DRC3: variants seen among roughly 807,000 people sequenced by gnomAD.
The protein encoded by DRC3 is leucine rich repeat containing 48.
A neutral mutation model predicts 57.6 loss-of-function variants in DRC3; 45 were observed. The observed-to-expected ratio is 0.78, with a 90% confidence interval of 0.62 to 1.00. The LOEUF is 1.00. DRC3 is among the 50% of genes least tolerant of loss of function. DRC3 has a pLI of 0.00. For missense variants in DRC3, 655 were observed against 675.2 expected (o/e 0.97, Z 0.33); for synonymous variants, 257 against 272.3 (o/e 0.94, Z 0.55).
intron 9 of DRC3, among the ~76,000 whole-genome samples, chr17:18,003,368 C>T (rs1412958491): frequency 6.6e-6 from 1 of 150,704 alleles, no homozygotes; most frequent in Admixed American, 6.6e-5. Flanking sequence ...TGCCTGTAAT[C>T]CTAGCTACTC....
At chr17:17,993,910 C>A (rs1355694313) in intron 6 of DRC3, 1 of 240,798 alleles carries the variant, frequency 4.2e-6, no homozygotes, top group African/African-American at 2.3e-5. Context: ...TCCTCCTTCC[C>A]TAAAAGAGGG....
At chr17:17,995,173 C>A in intron 8 of DRC3, 62 bp downstream of exon 8, 2 of 1,209,638 alleles carry the variant, frequency 1.7e-6, no homozygotes, top group South Asian at 1.3e-5. Context: ...TGGCAAGGCC[C>A]CTTCCGCTCT....
chr17:17,984,419 G>A (rs1433020245), intron 4 of DRC3, among the ~76,000 whole-genome samples: 1 of 151,990 alleles, frequency 6.6e-6, no homozygotes, highest in Non-Finnish European at 1.5e-5. Flanking sequence ...CAGCATCCCC[G>A]TCATAGAGAT....
rs571427963 is a variant in DRC3, at chr17:18,016,073, G to A, written c.1336G>A (p.Asp446Asn). The A allele has an allele frequency of 1.6e-5, 26 of 1,613,382 alleles. No individual in the cohort carries two copies. The highest frequency in any genetic ancestry group is 4.0e-5 in the African/African-American group (3 of 75,008). ...LPNDLRALFV[D>N]KDTIVNAVGA... ...TCTTTTCACTCACCAGCTTTTTGTC[G>A]ATAAAGATACGATTGTTAATGCTGT... Residue 446 changes from aspartate (D) to asparagine (N), a missense_variant, in exon 13 of 14, where the codon GAT (aspartate) becomes AAT (asparagine). Transcript: ENST00000399187.
intron 8 of DRC3, 126 bp downstream of exon 8, chr17:17,995,237 T>G (rs1376060872): frequency 4.5e-6 from 3 of 659,682 alleles, no homozygotes; most frequent in Non-Finnish European, 8.0e-6. Flanking sequence ...AAATCTCCAC[T>G]TGAGAGCAAT....
At chr17:17,997,708 A>AG in intron 9 of DRC3, 74 bp downstream of exon 9, 1 of 1,367,762 alleles carries the variant, frequency 7.3e-7, no homozygotes, top group Non-Finnish European at 9.8e-7. Flanking sequence ...CTCCCACTGT[A>AG]GGGGGACTGC....
At chr17:17,973,117 C>T (rs1474700756) in intron 1 of DRC3, 143 bp downstream of exon 1, 5 of 120,436 alleles carry the variant, frequency 4.2e-5, no homozygotes, top group African/African-American at 1.7e-4. Context: ...CTCTCCCAGC[C>T]ACTTTACAGT....
At chr17:17,989,889 G>A (rs1430631808) in intron 5 of DRC3, among the ~76,000 whole-genome samples, 1 of 152,218 alleles carries the variant, frequency 6.6e-6, no homozygotes. Flanking sequence ...GTCTCTCATG[G>A]CTACAGCTGA....
At chr17:17,992,182 C>T (rs1366297823) in intron 5 of DRC3, among the ~76,000 whole-genome samples, 9 of 151,908 alleles carry the variant, frequency 5.9e-5, no homozygotes, top group African/African-American at 1.7e-4. Flanking sequence ...GGCTGAGGCA[C>T]GAGAATCACT....
intron 3 of DRC3, 23 bp from the exon 4 acceptor site, chr17:17,983,805 G>T (rs2145247772): frequency 6.4e-7 from 1 of 1,565,904 alleles, no homozygotes; most frequent in South Asian, 1.1e-5. Flanking sequence ...ACCTGAGACT[G>T]AAATCACCTT....
chr17:17,985,294 C>T (rs1267132320), intron 4 of DRC3, among the ~76,000 whole-genome samples: 1 of 152,274 alleles, frequency 6.6e-6, no homozygotes, highest in Non-Finnish European at 1.5e-5. Flanking sequence ...CCCCCAACCC[C>T]TTGCAGTGGC....
intron 12 of DRC3, among the ~76,000 whole-genome samples, chr17:18,014,653 G>A (rs2044290592): frequency 6.6e-6 from 1 of 152,250 alleles, no homozygotes; most frequent in African/African-American, 2.4e-5. Flanking sequence ...AACTCTGAGG[G>A]GTATGATTTC....
intron 9 of DRC3, among the ~76,000 whole-genome samples, chr17:18,001,132 G>A (rs1409318414): frequency 6.6e-6 from 1 of 150,744 alleles, no homozygotes; most frequent in Admixed American, 6.6e-5. Flanking sequence ...GTGGGAGACT[G>A]TATACCAACT....
chr17:18,001,077 TTTTC>T (rs151008130), intron 9 of DRC3, among the ~76,000 whole-genome samples: 269 of 151,946 alleles, frequency 1.8e-3, no homozygotes, highest in Admixed American at 3.6e-3. Flanking sequence ...TTCTTTCTTT[TTTTC>T]TTTTTCTTTC....
chr17:17,975,529 A>G (rs1461920393), intron 2 of DRC3, among the ~76,000 whole-genome samples: 1 of 111,786 alleles, frequency 8.9e-6, no homozygotes, highest in Non-Finnish European at 1.8e-5. Context: ...CCCCCCCAAA[A>G]AAAAGGCCAA....
At chr17:18,012,226 T>A (rs970509109) in intron 12 of DRC3, among the ~76,000 whole-genome samples, 5 of 152,222 alleles carry the variant, frequency 3.3e-5, no homozygotes, top group African/African-American at 1.2e-4. Context: ...GCCAACTGAT[T>A]TTTGACAAAA....
intron 8 of DRC3, among the ~76,000 whole-genome samples, chr17:17,995,959 G>A (rs753306901): frequency 1.3e-5 from 2 of 152,198 alleles, no homozygotes; most frequent in Non-Finnish European, 2.9e-5. Flanking sequence ...CTGTTTTCAC[G>A]CTCCTGATAA....
intron 3 of DRC3, among the ~76,000 whole-genome samples, chr17:17,983,255 G>A (rs1448651164): frequency 2.6e-5 from 4 of 152,136 alleles, no homozygotes; most frequent in Non-Finnish European, 5.9e-5. Context: ...TGCCCCTTAC[G>A]TGCCTGAGGG....
intron 4 of DRC3, 76 bp from the exon 5 acceptor site, chr17:17,987,856 C>A: frequency 1.3e-6 from 2 of 1,494,142 alleles, no homozygotes; most frequent in Non-Finnish European, 1.8e-6. Flanking sequence ...CACTCAGTAG[C>A]CCTGATGGTT....
Sources: gnomAD v4.1 joint callset for allele counts (sites outside exome capture counted in the v4.1 genomes callset) on GRCh38, gnomAD v4.1.1 for gene constraint, MANE v1.5 for transcripts, NCBI Gene and HGNC (gene_info 2026-07-23, HGNC 2026-07-21) for gene names.